Variants in PVT1 observed in about 807,000 individuals in gnomAD.
PVT1 encodes Pvt1 oncogene.
chr8:128,004,312 T>G (rs1264535499), intron 4 of PVT1, among the ~76,000 whole-genome samples: 1 of 152,166 alleles, frequency 6.6e-6, no homozygotes, highest in African/African-American at 2.4e-5. Context: ...TTGTATACAG[T>G]AGGTAATCAA....
intron 5 of PVT1, among the ~76,000 whole-genome samples, chr8:128,078,584 C>T (rs1814124396): frequency 6.6e-6 from 1 of 152,140 alleles, no homozygotes; most frequent in Non-Finnish European, 1.5e-5. Context: ...TGTTATTAGC[C>T]ATCTAGCTTT....
rs376755962 is a variant in PVT1, at chr8:127,918,482, A to C, written n.782+27484A>C. The stretch of plus-strand genomic sequence containing the variant: ...ATTACTACCAACGACGATGGCTTTC[A>C]CAACTGGAACCACTAGGCCCTCAGG... On this transcript the variant is annotated intron_variant and non_coding_transcript_variant, in intron 3 of 10. Coordinates refer to ENST00000651587, the Ensembl canonical transcript of PVT1. Among the ~76,000 whole-genome samples, 9 of 152,308 alleles carry C rather than the reference A, an allele frequency of 5.9e-5. No homozygotes were observed. The East Asian group carries it at 1.2e-3, about 20-fold the overall frequency.
chr8:128,076,694 T>C (rs894421618), intron 5 of PVT1, among the ~76,000 whole-genome samples: 2 of 151,564 alleles, frequency 1.3e-5, no homozygotes, highest in Non-Finnish European at 2.9e-5. Context: ...AAAATGACAC[T>C]GAAAAGTTGA....
intron 3 of PVT1, among the ~76,000 whole-genome samples, chr8:127,976,953 C>T (rs1185052076): frequency 3.9e-5 from 6 of 152,172 alleles, no homozygotes; most frequent in Admixed American, 3.9e-4. Context: ...CCATCTCTGA[C>T]AGCCCCAGTA....
chr8:128,074,538 G>GC (rs1318843873), intron 5 of PVT1, among the ~76,000 whole-genome samples: 6 of 151,008 alleles, frequency 4.0e-5, no homozygotes, highest in Non-Finnish European at 7.4e-5. Context: ...AAAAAAAAAG[G>GC]GGGGGGCTCC....
At chr8:127,815,123 G>A (rs546535653) in intron 2 of PVT1, among the ~76,000 whole-genome samples, 1 of 152,124 alleles carries the variant, frequency 6.6e-6, no homozygotes, top group East Asian at 1.9e-4. Context: ...GCACCACCAC[G>A]CGTGGCTAAT....
chr8:128,059,874 C>T (rs1813809192), intron 4 of PVT1, among the ~76,000 whole-genome samples: 1 of 152,146 alleles, frequency 6.6e-6, no homozygotes, highest in African/African-American at 2.4e-5. Flanking sequence ...GACTCTTCAT[C>T]GTTCAGCCAT....
intron 2 of PVT1, among the ~76,000 whole-genome samples, chr8:127,859,900 G>A (rs1022945427): frequency 1.3e-5 from 2 of 151,950 alleles, no homozygotes; most frequent in Non-Finnish European, 2.9e-5. Context: ...GAGAGGCTGA[G>A]TCATACAGAT....
intron 2 of PVT1, among the ~76,000 whole-genome samples, chr8:127,821,236 T>G (rs546609044): frequency 1.8e-4 from 27 of 152,288 alleles, no homozygotes; most frequent in African/African-American, 4.6e-4. Flanking sequence ...AAGTAGTAGC[T>G]AGGCCTGTGC....
chr8:127,876,946 GAAAGTCAGAAGTGCATTCC>G (rs1815412189), intron 2 of PVT1, among the ~76,000 whole-genome samples: 1 of 152,226 alleles, frequency 6.6e-6, no homozygotes, highest in Non-Finnish European at 1.5e-5. Flanking sequence ...CTGCTTCTGA[GAAAGTCAGAAGTGCATTCC>G]AAAGTCAGGA....
chr8:127,923,609 C>T (rs1244061763), intron 3 of PVT1, among the ~76,000 whole-genome samples: 2 of 152,232 alleles, frequency 1.3e-5, no homozygotes, highest in Non-Finnish European at 2.9e-5. Flanking sequence ...GTCTCCCCAA[C>T]AGCATCACAG....
At chr8:128,023,961 G>A (rs374400255) in intron 4 of PVT1, among the ~76,000 whole-genome samples, 6 of 152,286 alleles carry the variant, frequency 3.9e-5, no homozygotes, top group South Asian at 2.1e-4. Flanking sequence ...TCTATTCTGC[G>A]TGGAGGAATT....
intron 3 of PVT1, among the ~76,000 whole-genome samples, chr8:127,909,316 A>G (rs571350152): frequency 1.3e-5 from 2 of 152,362 alleles, no homozygotes; most frequent in African/African-American, 4.8e-5. Flanking sequence ...CTGGGAAAAC[A>G]GAGCTCTCTC....
At chr8:128,040,185 G>C (rs1210516372) in intron 4 of PVT1, among the ~76,000 whole-genome samples, 1 of 152,226 alleles carries the variant, frequency 6.6e-6, no homozygotes, top group African/African-American at 2.4e-5. Flanking sequence ...GTCACATGGA[G>C]TACGTTTTGA....
At chr8:127,881,420 A>G (rs1815465290) in intron 2 of PVT1, among the ~76,000 whole-genome samples, 1 of 142,258 alleles carries the variant, frequency 7.0e-6, no homozygotes, top group African/African-American at 2.7e-5. Flanking sequence ...TATTATTATT[A>G]ATATTATTGT....
At chr8:127,894,607 T>C (rs1045234229) in intron 3 of PVT1, among the ~76,000 whole-genome samples, 1 of 152,240 alleles carries the variant, frequency 6.6e-6, no homozygotes, top group African/African-American at 2.4e-5. Flanking sequence ...AAAATTGTTT[T>C]GTGTTTAACT....
intron 4 of PVT1, among the ~76,000 whole-genome samples, chr8:128,028,325 G>A (rs1279479741): frequency 6.6e-6 from 1 of 152,256 alleles, no homozygotes; most frequent in Non-Finnish European, 1.5e-5. Flanking sequence ...TCCTCGGCTG[G>A]CATGGGTATT....
intron 3 of PVT1, among the ~76,000 whole-genome samples, chr8:127,963,263 G>A (rs1816667084): frequency 6.6e-6 from 1 of 152,224 alleles, no homozygotes; most frequent in South Asian, 2.1e-4. Context: ...TTGCCACCAT[G>A]TTGGTGACTG....
chr8:127,914,260 CAAAAAA>C (rs60359946), intron 3 of PVT1, among the ~76,000 whole-genome samples: 1 of 47,864 alleles, frequency 2.1e-5, no homozygotes, highest in African/African-American at 5.7e-5. Flanking sequence ...CCACCAACAG[CAAAAAA>C]AAAAAAAAAA....
Sources: allele counts gnomAD v4.1 joint callset (sites outside exome capture counted in the v4.1 genomes callset), GRCh38; gene constraint gnomAD v4.1.1; transcripts MANE v1.5; gene names NCBI Gene and HGNC (gene_info 2026-07-23, HGNC 2026-07-21).